The following SORBS2 variants were observed in gnomAD, a reference collection of about 807,000 sequenced individuals.
The protein encoded by SORBS2 is sorbin and SH3 domain containing 2, also known as sorbin and SH3 domain-containing protein 2.
Under a neutral mutation model 97.7 loss-of-function variants are expected in SORBS2, and 46 were observed. The ratio of observed to expected loss-of-function variants is 0.47; its 90% CI spans 0.37 to 0.60. The LOEUF is 0.60. Ranked by LOEUF, SORBS2 falls within the 20% of genes least tolerant of loss-of-function variation. The pLI, the probability that SORBS2 is intolerant of heterozygous loss-of-function variation, is 0.00. For missense variants in SORBS2, 1,316 were observed against 1,282.3 expected, an observed-to-expected ratio of 1.03 and a Z score of -0.40; for synonymous variants, 476 against 473.4, an observed-to-expected ratio of 1.01 and a Z score of -0.07.
chr4:185,757,530 T>C lies in SORBS2; in HGVS notation c.-198+17697A>G, dbSNP rs373191451. ...GTTAGAAATGAATGCCTGTATAACA[T>C]AATTTCAAGATATTAAAATAGCATT... On this transcript the variant is annotated intron_variant, in intron 2 of 20. Transcript: ENST00000284776. Among the ~76,000 whole-genome samples the C allele has an allele frequency of 6.1e-4, 93 of 152,380 alleles. No homozygotes were observed. In the South Asian group the frequency reaches 0.019, roughly 31 times the overall value.
chr4:185,670,433 G>A (rs961604765), intron 4 of SORBS2, among the ~76,000 whole-genome samples: 5 of 152,172 alleles, frequency 3.3e-5, no homozygotes, highest in Admixed American at 2.0e-4. Flanking sequence ...ATGGCCCTGA[G>A]GTCAAGGATC....
In SORBS2 at chr4:185,751,590, G is replaced by A. The variant is rs191915643; in HGVS notation, c.-198+23637C>T. ...GCTGCCCAGTAGGTCCTCAGAAGAT[G>A]GTGAAGGCACCACTCCAAAGAGTGT... On this transcript the variant is annotated intron_variant, in intron 2 of 20. Coordinates refer to the SORBS2 transcript ENST00000284776. Among the ~76,000 whole-genome samples, 238 of 152,228 alleles carry A rather than the reference G, an allele frequency of 1.6e-3. 2 individuals are homozygous for A. Among genetic ancestry groups the A allele is most frequent in the African/African-American group, 5.5e-3 (229 of 41,538 alleles).
At chr4:185,646,704 T>C in exon 4 of SORBS2, 1 of 1,613,580 alleles carries the variant, frequency 6.2e-7, no homozygotes, top group Non-Finnish European at 8.5e-7. Context: ...ACTTGCCAGG[T>C]TCATATTCAA....
intron 1 of SORBS2, among the ~76,000 whole-genome samples, chr4:185,792,429 G>C (rs1362688610): frequency 6.6e-6 from 1 of 152,070 alleles, no homozygotes; most frequent in African/African-American, 2.4e-5. Flanking sequence ...AGGAGGCAGA[G>C]GCTGCAGTTA....
intron 1 of SORBS2, among the ~76,000 whole-genome samples, chr4:185,915,484 C>G (rs1031177925): frequency 1.3e-5 from 2 of 152,162 alleles, no homozygotes; most frequent in Non-Finnish European, 2.9e-5. Flanking sequence ...ACGAGGGTAG[C>G]CTGGGGAGGA....
At chr4:185,793,341 C>T (rs1359743180) in intron 1 of SORBS2, among the ~76,000 whole-genome samples, 1 of 152,170 alleles carries the variant, frequency 6.6e-6, no homozygotes, top group African/African-American at 2.4e-5. Flanking sequence ...CAGTGAGCTC[C>T]CACATTCTAT....
chr4:185,635,535 C>G lies in SORBS2; in HGVS notation c.397-4937G>C, dbSNP rs950518688. 10 of 694,902 alleles carry G rather than the reference C, an allele frequency of 1.4e-5. No homozygotes were observed. In the African/African-American group the frequency reaches 1.8e-4, roughly 13 times the overall value. 43.0% of individuals were successfully genotyped at this position (694,902 alleles called of 1,614,324 possible). A position where few individuals can be genotyped will look rare whatever the true frequency, so the allele number is the denominator to read the frequency against. ...AGAAATTGAGTGTTGACAGCACCAG[C>G]TACACAAACAGAATGACATGAATGG... On this transcript the variant is annotated intron_variant, in intron 4 of 14. Coordinates refer to ENST00000418609, the Ensembl canonical transcript of SORBS2.
At chr4:185,921,490 AAT>A (rs1465045813) in intron 1 of SORBS2, among the ~76,000 whole-genome samples, 1 of 152,192 alleles carries the variant, frequency 6.6e-6, no homozygotes, top group African/African-American at 2.4e-5. Flanking sequence ...ATCCTGGAGG[AAT>A]ATGTCACACA....
exon 12 of SORBS2, chr4:185,611,846 G>A (rs981913100): frequency 1.9e-6 from 3 of 1,614,106 alleles, no homozygotes; most frequent in South Asian, 2.2e-5. Flanking sequence ...GGTCAGGGTA[G>A]TCCTCAGCAC....
intron 1 of SORBS2, among the ~76,000 whole-genome samples, chr4:185,934,186 C>G (rs112457483): frequency 6.6e-6 from 1 of 152,164 alleles, no homozygotes; most frequent in African/African-American, 2.4e-5. Context: ...TATAGCAATT[C>G]GAACACTGTT....
intron 1 of SORBS2, among the ~76,000 whole-genome samples, chr4:185,900,838 G>C (rs2099247338): frequency 6.6e-6 from 1 of 152,092 alleles, no homozygotes; most frequent in South Asian, 2.1e-4. Flanking sequence ...CCAAGAATCT[G>C]ATTCAGTCAC....
intron 2 of SORBS2, among the ~76,000 whole-genome samples, chr4:185,755,993 A>G (rs1022352681): frequency 6.6e-6 from 1 of 152,234 alleles, no homozygotes; most frequent in Admixed American, 6.5e-5. Flanking sequence ...GATTTTTACA[A>G]ATGTTGTTTT....
chr4:185,925,439 C>T (rs1400294160), intron 1 of SORBS2, among the ~76,000 whole-genome samples: 1 of 152,032 alleles, frequency 6.6e-6, no homozygotes, highest in Admixed American at 6.5e-5. Context: ...GATGAAAGTA[C>T]TCAATGGATA....
At chr4:185,662,411 C>T (rs868192274) in intron 4 of SORBS2, among the ~76,000 whole-genome samples, 169 bp from the exon 8 acceptor site, 1 of 152,208 alleles carries the variant, frequency 6.6e-6, no homozygotes. Context: ...TTTGCCTTCT[C>T]TCTATTCCCT....
At chr4:185,938,623 C>T (rs2099270271) in intron 1 of SORBS2, among the ~76,000 whole-genome samples, 1 of 151,708 alleles carries the variant, frequency 6.6e-6, no homozygotes, top group Admixed American at 6.6e-5. Context: ...TATCTCTGAT[C>T]ATTCCAGGCA....
intron 2 of SORBS2, among the ~76,000 whole-genome samples, chr4:185,768,976 A>G (rs1020667340): frequency 6.6e-6 from 1 of 152,192 alleles, no homozygotes; most frequent in Non-Finnish European, 1.5e-5. Flanking sequence ...TTGATTACTG[A>G]TACCATTTTT....
intron 1 of SORBS2, among the ~76,000 whole-genome samples, chr4:185,822,570 C>T (rs899399123): frequency 6.6e-6 from 1 of 152,202 alleles, no homozygotes; most frequent in African/African-American, 2.4e-5. Flanking sequence ...GGGAACTTTA[C>T]AAAATATGCA....
At chr4:185,760,887 C>T (rs1239966772) in intron 2 of SORBS2, among the ~76,000 whole-genome samples, 3 of 152,170 alleles carry the variant, frequency 2.0e-5, no homozygotes, top group Admixed American at 6.5e-5. Context: ...CAATCCTACT[C>T]GGAATAATCT....
At chr4:185,717,284 A>G (rs568642622) in intron 2 of SORBS2, among the ~76,000 whole-genome samples, 1 of 151,362 alleles carries the variant, frequency 6.6e-6, no homozygotes, top group South Asian at 2.1e-4. Flanking sequence ...TGCCACTGTC[A>G]AAATGCCAGA....
Sources: allele counts gnomAD v4.1 joint callset (sites outside exome capture counted in the v4.1 genomes callset), GRCh38; gene constraint gnomAD v4.1.1; transcripts MANE v1.5; gene names NCBI Gene and HGNC (gene_info 2026-07-23, HGNC 2026-07-21).